KYAT1: variants seen among roughly 807,000 people sequenced by gnomAD.
The protein encoded by KYAT1 is kynurenine aminotransferase 1, also known as kynurenine--oxoglutarate transaminase 1.
Under a neutral mutation model 52.4 loss-of-function variants are expected in KYAT1, and 47 were observed. The ratio of observed to expected loss-of-function variants is 0.90; its 90% CI spans 0.71 to 1.14. KYAT1 has a LOEUF of 1.14. KYAT1 is among the 50% of genes most tolerant of loss of function. The pLI, the probability that KYAT1 is intolerant of heterozygous loss-of-function variation, is 0.00. For missense variants in KYAT1, 480 were observed against 557.9 expected, an observed-to-expected ratio of 0.86 and a Z score of 1.41; for synonymous variants, 212 against 209.6, an observed-to-expected ratio of 1.01 and a Z score of -0.10.
Position 128,842,748 on chromosome 9 carries a change from C to A in KYAT1, c.107G>T (p.Gly36Val). Residue 36 changes from glycine (G) to valine (V), a missense_variant, in exon 3 of 13, where the codon GGC becomes GTC. By Grantham distance (109) the Gly-to-Val change is moderately radical. Transcript: ENST00000302586. ...GTCTGGTGGTGGGAAATCCGGGAAG[C>A]CCTGGCCCAAGTTCACGACGTCATG... is the stretch of plus-strand genomic sequence containing the variant. Reference protein sequence around the residue: ...SEHDVVNLGQGFPDFPPPDFA... With the variant: ...SEHDVVNLGQVFPDFPPPDFA... 6.2e-7 allele frequency: 1 copy of A among 1,614,188 alleles called. No individual in the cohort carries two copies. The highest frequency in any genetic ancestry group is 8.5e-7 in the Non-Finnish European group (1 of 1,180,024).
chr9:128,869,548 G>A (rs2130778506), intron 1 of KYAT1, among the ~76,000 whole-genome samples: 1 of 152,298 alleles, frequency 6.6e-6, no homozygotes, highest in African/African-American at 2.4e-5. Flanking sequence ...AATGAAGCAG[G>A]AGTTTCACCT....
chr9:128,838,302 G>T lies in KYAT1; in HGVS notation c.267C>A (p.Asp89Glu). The T allele has an allele frequency of 3.1e-6, 5 of 1,614,188 alleles. No homozygotes were observed. Among genetic ancestry groups the T allele is most frequent in the South Asian group, 1.1e-5 (1 of 91,086 alleles). ...FFGELLGQEI[D>E]PLRNVLVTVG... ...CAGTCACCAGCACATTCCTGAGCGG[G>T]TCTATCTCCTGACCCAGCAGCTCCC... The change falls in exon 4 of 13, where the codon GAC (aspartate) becomes GAA (glutamate). Residue 89 changes from aspartate to glutamate, a missense_variant. Transcript: ENST00000302586.
intron 1 of KYAT1, among the ~76,000 whole-genome samples, chr9:128,856,773 C>T (rs372859987): frequency 2.0e-5 from 3 of 152,248 alleles, no homozygotes; most frequent in African/African-American, 7.2e-5. Flanking sequence ...CCGCACGGAC[C>T]TCTGCCTTGG....
upstream of KYAT1, chr9:128,882,480 C>G (rs1392108313): frequency 5.2e-6 from 2 of 382,148 alleles, no homozygotes; most frequent in East Asian, 3.7e-5. Context: ...GAGCCCCCTC[C>G]CAGGCACCCC....
At chr9:128,844,846 A>T (rs1832821881) in intron 2 of KYAT1, among the ~76,000 whole-genome samples, 1 of 152,258 alleles carries the variant, frequency 6.6e-6, no homozygotes, top group South Asian at 2.1e-4. Context: ...CCTGGGCGAC[A>T]AGGGCAAAAC....
intron 2 of KYAT1, among the ~76,000 whole-genome samples, chr9:128,843,159 T>G (rs1274939768): frequency 6.6e-6 from 1 of 152,006 alleles, no homozygotes; most frequent in Non-Finnish European, 1.5e-5. Context: ...AAGAGTGAGA[T>G]TCTGTCTTAA....
chr9:128,836,135 G>T (rs1283937692), intron 7 of KYAT1, 62 bp from the exon 8 acceptor site: 3 of 1,498,208 alleles, frequency 2.0e-6, no homozygotes, highest in East Asian at 2.3e-5. Flanking sequence ...GGAGGATGGT[G>T]GTCTGGGCCC....
chr9:128,861,788 G>T (rs1237735512), intron 1 of KYAT1, among the ~76,000 whole-genome samples: 1 of 152,236 alleles, frequency 6.6e-6, no homozygotes, highest in African/African-American at 2.4e-5. Context: ...GCAGGCCCAA[G>T]CCCAGGGCTG....
At chr9:128,859,037 T>C (rs945696121) in intron 1 of KYAT1, among the ~76,000 whole-genome samples, 2 of 144,462 alleles carry the variant, frequency 1.4e-5, no homozygotes, top group African/African-American at 5.1e-5. Flanking sequence ...AGAAAAAGAG[T>C]ATTTTGGAGG....
At chr9:128,854,580 T>TA (rs1834362199) in intron 1 of KYAT1, among the ~76,000 whole-genome samples, 1 of 152,162 alleles carries the variant, frequency 6.6e-6, no homozygotes, top group African/African-American at 2.4e-5. Flanking sequence ...GAAAAAAGCC[T>TA]AAAGTACACA....
chr9:128,867,340 G>A (rs1453356778), intron 1 of KYAT1, among the ~76,000 whole-genome samples: 1 of 151,906 alleles, frequency 6.6e-6, no homozygotes, highest in Non-Finnish European at 1.5e-5. Flanking sequence ...CCACCATGCT[G>A]GGCTAACTTT....
chr9:128,858,558 C>T (rs962293886), intron 1 of KYAT1, among the ~76,000 whole-genome samples: 1 of 151,290 alleles, frequency 6.6e-6, no homozygotes, highest in Non-Finnish European at 1.5e-5. Context: ...ATTAGCCAGG[C>T]GTGATGGCAT....
At chr9:128,834,182 C>T (rs754667813) in intron 11 of KYAT1, among the ~76,000 whole-genome samples, 3 of 152,070 alleles carry the variant, frequency 2.0e-5, no homozygotes, top group Admixed American at 6.6e-5. Context: ...TGCTTGAACC[C>T]GGGGGTGGAG....
intron 11 of KYAT1, among the ~76,000 whole-genome samples, chr9:128,834,372 G>A (rs1288281384): frequency 6.6e-6 from 1 of 152,170 alleles, no homozygotes; most frequent in East Asian, 1.9e-4. Context: ...AGCAGGTCAG[G>A]GCAGAGCCAG....
intron 1 of KYAT1, among the ~76,000 whole-genome samples, chr9:128,861,603 C>T (rs554745250): frequency 7.9e-5 from 12 of 152,196 alleles, no homozygotes; most frequent in Non-Finnish European, 1.0e-4. Context: ...GAGAGCGGTT[C>T]CCAGGAGAGG....
chr9:128,866,189 C>T (rs576490311), intron 1 of KYAT1, among the ~76,000 whole-genome samples: 2 of 152,206 alleles, frequency 1.3e-5, no homozygotes, highest in African/African-American at 2.4e-5. Flanking sequence ...AAACAAGTAA[C>T]TGGGCCATTT....
intron 1 of KYAT1, chr9:128,860,037 C>A (rs1487451347): frequency 1.3e-5 from 2 of 152,150 alleles, no homozygotes; most frequent in Non-Finnish European, 2.9e-5. Flanking sequence ...GCCTCAGAAC[C>A]AGGGACGCCA....
At chr9:128,875,299 G>A (rs1157122649) in intron 1 of KYAT1, among the ~76,000 whole-genome samples, 1 of 137,230 alleles carries the variant, frequency 7.3e-6, no homozygotes, top group Non-Finnish European at 1.5e-5. Context: ...CTGCTGTGTC[G>A]CCCAGGCCGG....
At chr9:128,856,635 A>G (rs1834642723) in intron 1 of KYAT1, among the ~76,000 whole-genome samples, 1 of 152,220 alleles carries the variant, frequency 6.6e-6, no homozygotes, top group Non-Finnish European at 1.5e-5. Context: ...TCTGGAATCA[A>G]GGTTTAAGGG....
Sources: gnomAD v4.1 joint callset for allele counts (sites outside exome capture counted in the v4.1 genomes callset) on GRCh38, gnomAD v4.1.1 for gene constraint, MANE v1.5 for transcripts, NCBI Gene and HGNC (gene_info 2026-07-23, HGNC 2026-07-21) for gene names.